Variants in CASP4 observed in about 807,000 individuals in gnomAD.
CASP4 encodes the protein caspase 4.
A neutral mutation model predicts 41.3 loss-of-function variants in CASP4; 29 were observed. The observed-to-expected ratio is 0.70, with a 90% CI of 0.52 to 0.96. CASP4 has a LOEUF of 0.96. Among genes scored for constraint, CASP4 ranks in the 40% least tolerant of loss-of-function variants. CASP4 has a pLI of 0.00. For synonymous variants in CASP4, 185 were observed against 158.4 expected (o/e 1.17, Z -1.26); for missense variants, 447 against 460.6 (o/e 0.97, Z 0.27).
At chr11:104,962,357 A>C (rs1467987315) in intron 1 of CASP4, among the ~76,000 whole-genome samples, 2 of 152,220 alleles carry the variant, frequency 1.3e-5, no homozygotes, top group African/African-American at 2.4e-5. Context: ...CTGTGTAAAC[A>C]GTAAACATCA....
intron 2 of CASP4, among the ~76,000 whole-genome samples, chr11:104,954,140 G>T (rs1591130254): frequency 1.3e-5 from 2 of 152,212 alleles, no homozygotes; most frequent in Non-Finnish European, 2.9e-5. Context: ...GATGAAAAGG[G>T]AATAAAAATG....
rs201303104 is a variant in CASP4, at chr11:104,949,604, G to A, written c.720C>T (p.Asn240=). The change falls in exon 5 of 9, where the codon AAC becomes AAT. Residue 240 remains asparagine, a synonymous_variant. Transcript: ENST00000444739. ...LYDTIFQIFN[N]RNCLSLKDKP... ...TGTCCTTCAGACTGAGGCAGTTGCG[G>A]TTGTTGAATATCTGGAAGATGGTGT... 8.7e-5 allele frequency: 140 copies of A among 1,613,966 alleles called. No homozygotes were observed. The highest frequency in any genetic ancestry group is 1.6e-4 in the Middle Eastern group (1 of 6,062).
At chr11:104,949,336 T>C (rs575390182) in intron 5 of CASP4, 35 of 581,020 alleles carry the variant, frequency 6.0e-5, no homozygotes, top group Non-Finnish European at 9.0e-6. Flanking sequence ...CCACTTACTG[T>C]GGATAAAATT....
intron 1 of CASP4, among the ~76,000 whole-genome samples, chr11:104,966,244 T>A (rs1193042566): frequency 1.3e-5 from 2 of 152,156 alleles, no homozygotes; most frequent in African/African-American, 4.8e-5. Context: ...CAGGTAAGTT[T>A]GATTTCATTT....
intron 5 of CASP4, chr11:104,949,331 T>TA (rs1860546092): frequency 3.5e-6 from 2 of 576,520 alleles, no homozygotes; most frequent in East Asian, 8.2e-5. Context: ...CTTCACCACT[T>TA]ACTGTGGATA....
chr11:104,960,056 T>C (rs1860823779), intron 1 of CASP4, among the ~76,000 whole-genome samples: 1 of 152,204 alleles, frequency 6.6e-6, no homozygotes, highest in African/African-American at 2.4e-5. Context: ...CATTTTCTGA[T>C]ACTGTTCCCA....
chr11:104,947,268 GTT>G, intron 6 of CASP4, 76 bp from the exon 7 acceptor site: 1 of 908,218 alleles, frequency 1.1e-6, no homozygotes, highest in Non-Finnish European at 1.7e-6. Context: ...TTTTGAGAAT[GTT>G]TTTAAAAAGA....
chr11:104,955,974 GT>G (rs982621366), intron 1 of CASP4, among the ~76,000 whole-genome samples: 1 of 151,992 alleles, frequency 6.6e-6, no homozygotes, highest in African/African-American at 2.4e-5. Context: ...CATTGTCTGG[GT>G]TATCTTGAAT....
At chr11:104,958,731 C>CG (rs1860792141) in intron 1 of CASP4, among the ~76,000 whole-genome samples, 1 of 151,982 alleles carries the variant, frequency 6.6e-6, no homozygotes, top group African/African-American at 2.4e-5. Flanking sequence ...GAGGTTAAGG[C>CG]GGGCAGATCA....
chr11:104,966,138 T>TA (rs1860969965), intron 1 of CASP4, among the ~76,000 whole-genome samples: 1 of 152,224 alleles, frequency 6.6e-6, no homozygotes, highest in Non-Finnish European at 1.5e-5. Context: ...GAATTACTCT[T>TA]ACGCCATTGC....
At chr11:104,968,478 T>C (rs762197509) in intron 1 of CASP4, 41 bp downstream of exon 1, 2 of 1,583,900 alleles carry the variant, frequency 1.3e-6, no homozygotes. Flanking sequence ...AAGTGTTTTC[T>C]AAGTTCCTAC....
intron 1 of CASP4, among the ~76,000 whole-genome samples, chr11:104,962,076 T>C (rs1860873450): frequency 6.6e-6 from 1 of 152,216 alleles, no homozygotes; most frequent in Admixed American, 6.5e-5. Flanking sequence ...TCTGCTGGGA[T>C]AGAAAATGTT....
intron 4 of CASP4, 103 bp downstream of exon 4, chr11:104,950,822 A>ACACACACT (rs112827503): frequency 2.4e-5 from 25 of 1,022,806 alleles, no homozygotes; most frequent in Non-Finnish European, 3.3e-5. Flanking sequence ...ACACACACAC[A>ACACACACT]CCCAAAGGTT....
chr11:104,952,044 T>G, intron 2 of CASP4, 39 bp from the exon 3 acceptor site: 1 of 1,249,638 alleles, frequency 8.0e-7, no homozygotes, highest in Non-Finnish European at 1.2e-6. Context: ...GATTTCTGCC[T>G]CTGTGACCCA....
intron 2 of CASP4, among the ~76,000 whole-genome samples, chr11:104,954,091 G>A (rs1473255848): frequency 3.3e-5 from 5 of 152,144 alleles, no homozygotes; most frequent in African/African-American, 1.2e-4. Context: ...GTTGCATTCT[G>A]GTGGGAGAAA....
chr11:104,947,093 A>G lies in CASP4; in HGVS notation c.1025T>C (p.Val342Ala). Reference sequence around the variant, plus strand: ...AAAAGAGACACTTACCTTCCGAAATACTTCCTCTAGGTGGCAGCACCAAGA... The same window carrying G: ...AAAAGAGACACTTACCTTCCGAAATGCTTCCTCTAGGTGGCAGCACCAAGA... ...KYSWCCHLEE[V>A]FRKVQQSFET... Residue 342 changes from valine to alanine, a missense_variant, in exon 7 of 9, where the codon GTA becomes GCA. Transcript: ENST00000444739. 1.2e-6 allele frequency: 2 copies of G among 1,600,650 alleles called. No individual in the cohort carries two copies. The highest frequency in any genetic ancestry group is 8.6e-7 in the Non-Finnish European group (1 of 1,168,204).
At chr11:104,948,859 T>G in intron 5 of CASP4, 183 bp from the exon 6 acceptor site, 1 of 410,638 alleles carries the variant, frequency 2.4e-6, no homozygotes. Context: ...CTCTCCAGTG[T>G]CATTCAACAA....
rs142647075 is a variant in CASP4 at position 104,943,339 on chromosome 11, T to G, written c.*6-366A>C. On this transcript the variant is annotated intron_variant, in intron 8 of 8. Coordinates refer to ENST00000444739, the MANE Select transcript of CASP4 (RefSeq NM_001225.4). ...GTCACACTGTCTCATTGCAGTTCTT[T>G]AAACATGTTTAGTGCATTGCTATCC... The G allele has an allele frequency of 1.2e-3, 270 of 221,850 alleles. 1 individual carries two copies. Among genetic ancestry groups the G allele is most frequent in the African/African-American group, 5.8e-3 (251 of 43,168 alleles). The allele number at this position is 221,850 out of a possible 1,614,324, so 13.7% of individuals were successfully genotyped here.
chr11:104,944,837 A>G lies in CASP4; in HGVS notation c.1050T>C (p.Phe350=), dbSNP rs1056514405. The G allele has an allele frequency of 3.1e-6, 5 of 1,611,786 alleles. No homozygotes were observed. The highest frequency in any genetic ancestry group is 4.2e-6 in the Non-Finnish European group (5 of 1,178,006). Reference sequence around the variant, plus strand: ...TTTGAGCTTTGGCCCTTGGAGTTTCAAATGATTGCTGTACCTGAAAAAGAA... The same window carrying G: ...TTTGAGCTTTGGCCCTTGGAGTTTCGAATGATTGCTGTACCTGAAAAAGAA... ...EEVFRKVQQS[F]ETPRAKAQMP... Residue 350 remains phenylalanine, a synonymous_variant, in exon 8 of 9, where the codon TTT becomes TTC. Transcript: ENST00000444739.
Sources: gnomAD v4.1 joint callset for allele counts (sites outside exome capture counted in the v4.1 genomes callset) on GRCh38, gnomAD v4.1.1 for gene constraint, MANE v1.5 for transcripts, NCBI Gene and HGNC (gene_info 2026-07-23, HGNC 2026-07-21) for gene names.